ANXA8: variants seen among roughly 807,000 people sequenced by gnomAD.
ANXA8 encodes VAC-beta.
In ANXA8, 9 loss-of-function variants were observed where a neutral mutation model predicts 26.8. The observed-to-expected ratio is 0.34, with a 90% CI of 0.20 to 0.59. The LOEUF is 0.59. Ranked by LOEUF, ANXA8 falls within the 20% of genes least tolerant of loss-of-function variation. The pLI is 0.84. For synonymous variants in ANXA8, 39 were observed against 94.8 expected (o/e 0.41, Z 3.42); for missense variants, 83 against 238.5 (o/e 0.35, Z 4.29).
At chr10:47,704,913 G>A in the ANXA8 span, among the ~76,000 whole-genome samples, 1 of 152,022 alleles carries the variant, frequency 6.6e-6, no homozygotes, top group Non-Finnish European at 1.5e-5. Flanking sequence ...ATTTAACATT[G>A]TGAAGATTTC....
chr10:47,636,435 C>T, the ANXA8 span, among the ~76,000 whole-genome samples: 41 of 145,098 alleles, frequency 2.8e-4, no homozygotes, highest in South Asian at 7.4e-3. Flanking sequence ...TTAAAGTTAA[C>T]ATTTAGAACA....
At chr10:47,668,223 A>G in the ANXA8 span, among the ~76,000 whole-genome samples, 1 of 150,972 alleles carries the variant, frequency 6.6e-6, no homozygotes, top group Non-Finnish European at 1.5e-5. Flanking sequence ...TTGATTCCTT[A>G]TTCTTTCTGA....
the ANXA8 span, among the ~76,000 whole-genome samples, chr10:47,584,653 T>C: frequency 1.2e-5 from 1 of 83,584 alleles, no homozygotes; most frequent in South Asian, 4.4e-4. Flanking sequence ...TTCGTAATAT[T>C]CACCCCTACA....
the ANXA8 span, among the ~76,000 whole-genome samples, chr10:47,923,689 T>C: frequency 5.0e-5 from 2 of 39,978 alleles, 1 homozygote; most frequent in Middle Eastern, 0.017. Context: ...AAGCAGGAAT[T>C]CCAGGACTCA....
the ANXA8 span, chr10:47,762,625 C>T: frequency 3.4e-6 from 2 of 585,410 alleles, no homozygotes; most frequent in African/African-American, 4.2e-5. Context: ...GGAGGCGAGG[C>T]TCGCTTACCC....
the ANXA8 span, among the ~76,000 whole-genome samples, chr10:47,571,511 T>C: frequency 6.7e-6 from 1 of 149,912 alleles, no homozygotes; most frequent in South Asian, 2.1e-4. Flanking sequence ...GACCTGAGCC[T>C]GAGCCCTGAT....
chr10:47,517,355 C>T, the ANXA8 span, among the ~76,000 whole-genome samples: 1 of 97,018 alleles, frequency 1.0e-5, no homozygotes, highest in Non-Finnish European at 2.0e-5. Context: ...TCACTGCAAC[C>T]TCCGCCTCCT....
the ANXA8 span, among the ~76,000 whole-genome samples, chr10:47,524,460 C>T: frequency 1.3e-5 from 1 of 77,778 alleles, no homozygotes; most frequent in African/African-American, 5.2e-5. Context: ...AAATAGAAAC[C>T]TAACTTGTCC....
chr10:47,735,809 T>G, the ANXA8 span, among the ~76,000 whole-genome samples: 2 of 151,196 alleles, frequency 1.3e-5, no homozygotes, highest in African/African-American at 4.9e-5. Flanking sequence ...ACCTGGACAC[T>G]TTTTGTATTT....
At chr10:47,586,203 T>C in the ANXA8 span, among the ~76,000 whole-genome samples, 2 of 145,396 alleles carry the variant, frequency 1.4e-5, no homozygotes, top group African/African-American at 5.7e-5. Context: ...GGAATCCCCG[T>C]CCACCATATA....
chr10:47,716,488 A>C, the ANXA8 span, among the ~76,000 whole-genome samples: 1 of 126,828 alleles, frequency 7.9e-6, no homozygotes, highest in Non-Finnish European at 1.6e-5. Flanking sequence ...TATGTTTTCC[A>C]ATATATGATT....
chr10:47,958,131 A>T, the ANXA8 span, among the ~76,000 whole-genome samples: 1 of 150,230 alleles, frequency 6.7e-6, no homozygotes, highest in Non-Finnish European at 1.5e-5. Context: ...ACAGAACACC[A>T]TGACTGTCCC....
chr10:47,679,637 G>A, the ANXA8 span, among the ~76,000 whole-genome samples: 1 of 151,790 alleles, frequency 6.6e-6, no homozygotes. Context: ...ACCAAAAAAA[G>A]GCGAGGCACA....
At chr10:47,486,968 A>G (rs2942997), upstream of ANXA8, among the ~76,000 whole-genome samples, 411 of 145,280 alleles carry the variant, frequency 2.8e-3, no homozygotes, top group East Asian at 0.013. Flanking sequence ...GCAAGACTCT[A>G]TCTCAAAACA....
chr10:47,681,523 C>CTTTTTTTTTTTTT, the ANXA8 span, among the ~76,000 whole-genome samples: 183 of 81,032 alleles, frequency 2.3e-3, no homozygotes, highest in Non-Finnish European at 2.9e-3. Flanking sequence ...TTTATTTTTA[C>CTTTTTTTTTTTTT]TTTTTTTTTT....
chr10:47,636,651 A>G, the ANXA8 span, among the ~76,000 whole-genome samples: 1 of 150,420 alleles, frequency 6.6e-6, no homozygotes, highest in East Asian at 1.9e-4. Flanking sequence ...TTCTTTTTTA[A>G]TGGTGGTAGT....
chr10:47,733,278 TC>T, the ANXA8 span, among the ~76,000 whole-genome samples: 60 of 113,788 alleles, frequency 5.3e-4, no homozygotes, highest in African/African-American at 1.1e-3. Context: ...TTTCTTTCTT[TC>T]TTTCTTTCTT....
At chr10:47,702,482 A>G in the ANXA8 span, among the ~76,000 whole-genome samples, 4 of 151,204 alleles carry the variant, frequency 2.6e-5, no homozygotes, top group Non-Finnish European at 5.9e-5. Context: ...CTGGGACTAC[A>G]GGTACGTGCC....
chr10:47,979,360 T>C, the ANXA8 span, among the ~76,000 whole-genome samples: 1 of 151,796 alleles, frequency 6.6e-6, no homozygotes, highest in African/African-American at 2.4e-5. Flanking sequence ...ACCAACAGAA[T>C]AGACATTCTT....
Sources: gnomAD v4.1 joint callset for allele counts (sites outside exome capture counted in the v4.1 genomes callset) on GRCh38, gnomAD v4.1.1 for gene constraint, MANE v1.5 for transcripts, NCBI Gene and HGNC (gene_info 2026-07-23, HGNC 2026-07-21) for gene names.